The following ASTN2 variants were observed in gnomAD, a reference collection of about 807,000 sequenced individuals.
ASTN2 encodes astrotactin 2, also known as astrotactin-2.
ASTN2 carries 54 observed loss-of-function variants against 139.8 expected under a neutral mutation model. That is an observed-to-expected ratio of 0.39 (90% confidence interval 0.31 to 0.48). The LOEUF is 0.48. Ranked by LOEUF, ASTN2 falls within the 20% of genes least tolerant of loss-of-function variation. The pLI is 0.95. For missense variants in ASTN2, 1,565 were observed against 1,725.1 expected (o/e 0.91, Z 1.64); for synonymous variants, 756 against 719.5 (o/e 1.05, Z -0.81).
intron 2 of ASTN2, among the ~76,000 whole-genome samples, chr9:117,289,203 T>G (rs755953076): frequency 6.6e-6 from 1 of 152,090 alleles, no homozygotes; most frequent in Non-Finnish European, 1.5e-5. Context: ...GAGATCCAGA[T>G]TATGGAGCCC....
intron 7 of ASTN2, among the ~76,000 whole-genome samples, chr9:116,989,904 CTCTT>C (rs2132549394): frequency 6.6e-6 from 1 of 152,248 alleles, no homozygotes; most frequent in Non-Finnish European, 1.5e-5. Context: ...ATCTCTGTCT[CTCTT>C]TCTGTTTCTC....
chr9:116,859,293 G>A (rs1001838423), intron 11 of ASTN2, among the ~76,000 whole-genome samples: 13 of 152,202 alleles, frequency 8.5e-5, no homozygotes, highest in African/African-American at 2.9e-4. Flanking sequence ...ATCTTTGCAG[G>A]GGCCATTATT....
intron 12 of ASTN2, among the ~76,000 whole-genome samples, chr9:116,809,359 T>A (rs1266959053): frequency 7.0e-6 from 1 of 142,914 alleles, no homozygotes; most frequent in Non-Finnish European, 1.6e-5. Flanking sequence ...ATTTGAAATG[T>A]TATTTTTTTT....
intron 13 of ASTN2, among the ~76,000 whole-genome samples, chr9:116,774,517 T>G (rs1024815769): frequency 1.3e-5 from 2 of 152,144 alleles, no homozygotes; most frequent in Non-Finnish European, 2.9e-5. Flanking sequence ...TTTTTTTGCA[T>G]TATTCCATTT....
chr9:117,039,943 G>C lies in ASTN2; in HGVS notation c.1299C>G (p.Asn433Lys). 1 of 1,612,562 alleles carries C rather than the reference G, an allele frequency of 6.2e-7. No homozygotes were observed. Among genetic ancestry groups the C allele is most frequent in the Non-Finnish European group, 8.5e-7 (1 of 1,179,234 alleles). ...CAGCAATCAGTGTCAGGGCTGTCTT[G>C]TTCACTGGGCTTTTCAGCAAACCTG... ...RSKGLLKSPV[N>K]KTALTLIAVS... The change falls in exon 6 of 23, where the codon AAC (asparagine) becomes AAG (lysine). Residue 433 changes from asparagine to lysine, a missense_variant. Asn to Lys is a moderately conservative substitution (Grantham distance 94). This residue lies in a region of ASTN2 where 503 missense variants were observed against 591.7 expected (regional missense o/e 0.85). Transcript: ENST00000313400.
At chr9:116,958,867 A>C (rs1239663219) in intron 10 of ASTN2, among the ~76,000 whole-genome samples, 2 of 152,188 alleles carry the variant, frequency 1.3e-5, no homozygotes, top group East Asian at 3.9e-4. Flanking sequence ...GACTTATTAC[A>C]AAGGCAAGGA....
At position 116,651,725 on chromosome 9, in the gene ASTN2, G is replaced by A. The variant is rs762499112; in HGVS notation, c.2875C>T (p.Leu959=). ...MPFITYLSGL[L]TAQMLSDDQL... is the part of the protein sequence containing the mutation. Reference sequence around the variant, plus strand: ...TCATCTGACAGCATCTGGGCTGTCAGCAAACCTGAGAGGTAGGTGATGAAG... The same window carrying A: ...TCATCTGACAGCATCTGGGCTGTCAACAAACCTGAGAGGTAGGTGATGAAG... The change falls in exon 17 of 23, where the codon CTG becomes TTG. Residue 959 remains leucine, a synonymous_variant. Coordinates refer to ENST00000313400, the MANE Select transcript of ASTN2 (RefSeq NM_001365068.1). The A allele has an allele frequency of 1.2e-6, 2 of 1,614,028 alleles. No homozygotes were observed. Among genetic ancestry groups the A allele is most frequent in the South Asian group, 2.2e-5 (2 of 91,082 alleles).
intron 16 of ASTN2, among the ~76,000 whole-genome samples, chr9:116,665,070 T>C (rs1858782723): frequency 6.6e-6 from 1 of 152,168 alleles, no homozygotes; most frequent in African/African-American, 2.4e-5. Context: ...TCTCTTGCCA[T>C]GTGATACACC....
intron 11 of ASTN2, among the ~76,000 whole-genome samples, chr9:116,830,752 A>T (rs1051327862): frequency 1.3e-5 from 2 of 150,110 alleles, no homozygotes; most frequent in Admixed American, 1.3e-4. Context: ...AGATCGCGCC[A>T]CTGCACTCCA....
At chr9:117,170,220 G>C (rs1830759124) in intron 3 of ASTN2, among the ~76,000 whole-genome samples, 1 of 152,002 alleles carries the variant, frequency 6.6e-6, no homozygotes, top group Non-Finnish European at 1.5e-5. Context: ...CTTTGCTTGA[G>C]AGTCTTAATT....
At chr9:117,167,749 A>G (rs1830700971) in intron 3 of ASTN2, among the ~76,000 whole-genome samples, 1 of 152,166 alleles carries the variant, frequency 6.6e-6, no homozygotes, top group Non-Finnish European at 1.5e-5. Flanking sequence ...AGAAGTAGAG[A>G]GAGACATCAA....
intron 15 of ASTN2, among the ~76,000 whole-genome samples, chr9:116,727,541 T>C (rs1451383510): frequency 2.7e-5 from 2 of 72,762 alleles, no homozygotes; most frequent in East Asian, 1.4e-3. Context: ...AAAACAAAAA[T>C]AGGGGGCTCA....
chr9:117,120,010 GTGTGTGTGTATA>G (rs1180361121), intron 4 of ASTN2, among the ~76,000 whole-genome samples: 4 of 33,728 alleles, frequency 1.2e-4, no homozygotes, highest in African/African-American at 3.2e-4. Flanking sequence ...GTGTGTGTGT[GTGTGTGTGTATA>G]TATATATATA....
At chr9:116,766,644 C>T (rs1008546308) in intron 13 of ASTN2, among the ~76,000 whole-genome samples, 1 of 151,930 alleles carries the variant, frequency 6.6e-6, no homozygotes, top group South Asian at 2.1e-4. Flanking sequence ...CGTAAATGCA[C>T]CCACATTCGC....
chr9:116,534,491 G>A (rs1174769581), intron 19 of ASTN2, among the ~76,000 whole-genome samples: 1 of 152,106 alleles, frequency 6.6e-6, no homozygotes, highest in Non-Finnish European at 1.5e-5. Flanking sequence ...TTTCTCTTGT[G>A]GGCATTTAGT....
At chr9:116,831,974 G>A (rs904175598) in intron 11 of ASTN2, among the ~76,000 whole-genome samples, 15 of 152,018 alleles carry the variant, frequency 9.9e-5, no homozygotes, top group Non-Finnish European at 5.9e-5. Flanking sequence ...AAAGCTAAAC[G>A]TGGCCCATGC....
intron 13 of ASTN2, among the ~76,000 whole-genome samples, chr9:116,783,261 CTT>C (rs1830268433): frequency 2.2e-5 from 2 of 92,768 alleles, no homozygotes; most frequent in Non-Finnish European, 4.2e-5. Context: ...CTCATAAAAT[CTT>C]TCCTTCCTTC....
chr9:116,854,548 A>G (rs1832688383), intron 11 of ASTN2, among the ~76,000 whole-genome samples: 1 of 151,352 alleles, frequency 6.6e-6, no homozygotes, highest in Non-Finnish European at 1.5e-5. Flanking sequence ...GTAGTGGGAG[A>G]TGGTAGTGGG....
chr9:117,348,325 T>C (rs752801723), intron 1 of ASTN2, among the ~76,000 whole-genome samples: 3 of 152,224 alleles, frequency 2.0e-5, no homozygotes, highest in Non-Finnish European at 4.4e-5. Flanking sequence ...ACTCTATTTC[T>C]CTTTTAACTC....
Sources: gnomAD v4.1 joint callset for allele counts (sites outside exome capture counted in the v4.1 genomes callset) on GRCh38, gnomAD v4.1.1 for gene constraint, gnomAD v4.1.1 regional missense constraint, MANE v1.5 for transcripts, NCBI Gene and HGNC (gene_info 2026-07-23, HGNC 2026-07-21) for gene names.